The following HAPLN1 variants were observed in gnomAD, a reference collection of about 807,000 sequenced individuals.
HAPLN1 encodes the protein hyaluronan and proteoglycan link protein 1.
Under a neutral mutation model 36.5 loss-of-function variants are expected in HAPLN1, and 13 were observed. The ratio of observed to expected loss-of-function variants is 0.36; its 90% confidence interval spans 0.23 to 0.57. The LOEUF (loss-of-function observed/expected upper bound fraction) is 0.57, where lower values mean the gene tolerates loss of function less well. HAPLN1 is among the 20% of genes least tolerant of loss of function. HAPLN1 has a pLI of 0.83. For synonymous variants in HAPLN1, 202 were observed against 169.8 expected (o/e 1.19, Z -1.48); for missense variants, 407 against 439.7 (o/e 0.93, Z 0.66).
chr5:83,703,162 A>T (rs12519095), intron 1 of HAPLN1, among the ~76,000 whole-genome samples: 63,422 of 151,924 alleles, frequency 0.42, 13,763 homozygotes, highest in African/African-American at 0.51. Context: ...CATTTGCGTT[A>T]ACTCCATCTG....
Position 83,652,764 on chromosome 5 carries a change from CCT to C in HAPLN1, c.159_160del (p.Gly54TrpfsTer8). 6.2e-7 allele frequency: 1 copy of C among 1,613,684 alleles called. No homozygotes were observed. Among genetic ancestry groups the C allele is most frequent in the Non-Finnish European group, 8.5e-7 (1 of 1,179,676 alleles). Reference sequence around the variant, plus strand: ...TTTACATGGCAGTGTAACATTGCCACCTCTGTGTGAAAACACCTTGGCTTGCT... The same window carrying C: ...TTTACATGGCAGTGTAACATTGCCACCTGTGTGAAAACACCTTGGCTTGCT... On this transcript the variant is annotated frameshift_variant, in exon 3 of 5. Coordinates refer to ENST00000274341, the MANE Select transcript of HAPLN1 (RefSeq NM_001884.4). LOFTEE classifies it high-confidence loss of function.
intron 2 of HAPLN1, among the ~76,000 whole-genome samples, chr5:83,658,573 T>G (rs1328186865): frequency 6.6e-6 from 1 of 152,204 alleles, no homozygotes; most frequent in Non-Finnish European, 1.5e-5. Context: ...ACATTACATT[T>G]GAGTAGGACA....
chr5:83,646,174 A>G (rs1005696951), intron 3 of HAPLN1, among the ~76,000 whole-genome samples: 7 of 152,230 alleles, frequency 4.6e-5, no homozygotes. Context: ...CACTTGCTGG[A>G]CTTTGAAAAG....
rs370108106 is a variant in HAPLN1 at position 83,669,840 on chromosome 5, T to C, written c.100+3584A>G. 2.6e-5 allele frequency among the ~76,000 whole-genome samples: 4 copies of C among 152,340 alleles called. No homozygotes were observed. The East Asian group carries it at 5.8e-4, about 22-fold the overall frequency. On this transcript the variant is annotated intron_variant, in intron 2 of 4. Transcript: ENST00000274341. ...TTAATTCTCACAAAGCTCTATTGAA[T>C]AAGCAGGCATTAGGTCTGATTTTAC...
chr5:83,713,043 T>C (rs750320236), intron 1 of HAPLN1, among the ~76,000 whole-genome samples: 9 of 152,178 alleles, frequency 5.9e-5, no homozygotes, highest in Non-Finnish European at 1.3e-4. Flanking sequence ...CTCATTTATA[T>C]GGTAAGCTAA....
At chr5:83,658,200 T>A (rs1347957355) in intron 2 of HAPLN1, among the ~76,000 whole-genome samples, 1 of 152,198 alleles carries the variant, frequency 6.6e-6, no homozygotes, top group Non-Finnish European at 1.5e-5. Flanking sequence ...TGTTTAATAC[T>A]AACACTTTGG....
intron 1 of HAPLN1, among the ~76,000 whole-genome samples, chr5:83,699,396 C>A (rs111728668): frequency 3.3e-5 from 5 of 152,286 alleles, no homozygotes; most frequent in African/African-American, 1.2e-4. Flanking sequence ...TAAATCACCA[C>A]GGCCTAGGAT....
At chr5:83,663,981 A>C (rs1353879046) in intron 2 of HAPLN1, among the ~76,000 whole-genome samples, 1 of 152,034 alleles carries the variant, frequency 6.6e-6, no homozygotes, top group African/African-American at 2.4e-5. Flanking sequence ...TGTAAATCAC[A>C]TTATGTCACC....
intron 1 of HAPLN1, among the ~76,000 whole-genome samples, chr5:83,697,496 A>G (rs550914463): frequency 1.4e-4 from 22 of 152,324 alleles, no homozygotes; most frequent in South Asian, 1.0e-3. Context: ...TAATGCTGCT[A>G]TTAACACCCA....
intron 1 of HAPLN1, among the ~76,000 whole-genome samples, chr5:83,701,641 T>C (rs1242092355): frequency 6.6e-6 from 1 of 152,042 alleles, no homozygotes; most frequent in Non-Finnish European, 1.5e-5. Context: ...ATTCAACACA[T>C]GAAAAAGTAT....
chr5:83,680,126 T>A (rs1312723711), intron 1 of HAPLN1, among the ~76,000 whole-genome samples: 1 of 152,212 alleles, frequency 6.6e-6, no homozygotes, highest in Non-Finnish European at 1.5e-5. Context: ...ACCTTTCACC[T>A]AATCGAAGTG....
intron 1 of HAPLN1, among the ~76,000 whole-genome samples, chr5:83,685,403 G>T (rs765826243): frequency 1.3e-5 from 2 of 152,096 alleles, no homozygotes; most frequent in Non-Finnish European, 2.9e-5. Context: ...CAGACTTCTA[G>T]ATATTGTTCA....
chr5:83,669,723 A>G (rs1189138186), intron 2 of HAPLN1, among the ~76,000 whole-genome samples: 3 of 151,700 alleles, frequency 2.0e-5, no homozygotes, highest in African/African-American at 7.3e-5. Context: ...AACAGGGAGG[A>G]AGCAATAAAC....
chr5:83,700,994 T>G (rs1751496054), intron 1 of HAPLN1, among the ~76,000 whole-genome samples: 1 of 152,184 alleles, frequency 6.6e-6, no homozygotes, highest in African/African-American at 2.4e-5. Flanking sequence ...TCTTATTAAT[T>G]TCTGTAATTC....
chr5:83,699,616 G>T (rs992287846), intron 1 of HAPLN1, among the ~76,000 whole-genome samples: 4 of 152,076 alleles, frequency 2.6e-5, no homozygotes, highest in African/African-American at 9.7e-5. Context: ...TGATAAAAAA[G>T]GTTTTACCAC....
intron 1 of HAPLN1, among the ~76,000 whole-genome samples, chr5:83,689,233 G>A (rs190457274): frequency 4.6e-5 from 7 of 152,102 alleles, no homozygotes; most frequent in East Asian, 3.9e-4. Context: ...GTTAGGGATC[G>A]GTGGATTTAG....
At chr5:83,696,277 A>T (rs961369237) in intron 1 of HAPLN1, among the ~76,000 whole-genome samples, 15 of 152,156 alleles carry the variant, frequency 9.9e-5, no homozygotes, top group African/African-American at 2.9e-4. Flanking sequence ...AAATGGCAAG[A>T]TATGGTATTT....
rs1750108321 is a variant in HAPLN1, at chr5:83,652,803, A to G, written c.122T>C (p.Leu41Pro). 1 of 1,592,458 alleles carries G rather than the reference A, an allele frequency of 6.3e-7. No individual in the cohort carries two copies. The highest frequency in any genetic ancestry group is 8.6e-7 in the Non-Finnish European group (1 of 1,166,264). Residue 41 changes from leucine (L) to proline (P), a missense_variant, in exon 3 of 5, where the codon CTT (leucine) becomes CCT (proline). Leu to Pro is a moderately conservative substitution (Grantham distance 98). Transcript: ENST00000274341. ...HIQAENGPHLLVEAEQAKVFS... is the reference protein window; with the variant it reads ...HIQAENGPHLPVEAEQAKVFS... Reference sequence around the variant, plus strand: ...CACCTTGGCTTGCTCTGCTTCCACAAGTAGATGGGGGCCATTTTCTGCTAT... The same window carrying G: ...CACCTTGGCTTGCTCTGCTTCCACAGGTAGATGGGGGCCATTTTCTGCTAT...
chr5:83,693,721 C>T (rs1034272741), intron 1 of HAPLN1, among the ~76,000 whole-genome samples: 5 of 151,734 alleles, frequency 3.3e-5, no homozygotes, highest in Admixed American at 3.3e-4. Flanking sequence ...TAAAAAATAT[C>T]AGCAGGGGAA....
Sources: gnomAD v4.1 joint callset for allele counts (sites outside exome capture counted in the v4.1 genomes callset) on GRCh38, gnomAD v4.1.1 for gene constraint, MANE v1.5 for transcripts, NCBI Gene and HGNC (gene_info 2026-07-23, HGNC 2026-07-21) for gene names.